The following OTUD7A variants were observed in gnomAD, a reference collection of about 807,000 sequenced individuals.
The protein encoded by OTUD7A is OTU domain-containing protein 7A.
OTUD7A carries 12 observed loss-of-function variants against 65.7 expected under a neutral mutation model. The observed-to-expected ratio is 0.18, with a 90% CI of 0.12 to 0.30. OTUD7A has a LOEUF of 0.30. OTUD7A is among the 10% of genes least tolerant of loss of function. The probability of loss-of-function intolerance (pLI) is 1.00; values close to 1 mark genes in which losing one functional copy is unlikely to be tolerated. For missense variants in OTUD7A, 1,148 were observed against 1,304.8 expected (o/e 0.88, Z 1.85); for synonymous variants, 641 against 586.3 (o/e 1.09, Z -1.35).
chr15:31,829,852 G>A (rs892532622), intron 1 of OTUD7A, among the ~76,000 whole-genome samples: 2 of 152,174 alleles, frequency 1.3e-5, no homozygotes, highest in African/African-American at 2.4e-5. Flanking sequence ...CTTAACCTAA[G>A]AGTTGGAAAC....
intron 1 of OTUD7A, among the ~76,000 whole-genome samples, chr15:31,681,426 C>T (rs72709326): frequency 0.016 from 2,447 of 152,084 alleles, 50 homozygotes; most frequent in Admixed American, 0.047. Flanking sequence ...GTCTGTCTCT[C>T]TATGCTAGAA....
chr15:31,536,232 T>C (rs528546778), intron 5 of OTUD7A, among the ~76,000 whole-genome samples: 14 of 152,218 alleles, frequency 9.2e-5, no homozygotes, highest in African/African-American at 2.7e-4. Flanking sequence ...AATGTGTCTA[T>C]GGAAAGGATA....
chr15:31,599,201 A>G (rs1890001132), intron 3 of OTUD7A, among the ~76,000 whole-genome samples: 1 of 152,216 alleles, frequency 6.6e-6, no homozygotes, highest in Non-Finnish European at 1.5e-5. Context: ...ACCCCTGTGT[A>G]TCCTGACTGG....
intron 3 of OTUD7A, among the ~76,000 whole-genome samples, chr15:31,576,643 C>T (rs915858156): frequency 6.6e-6 from 1 of 152,156 alleles, no homozygotes; most frequent in Non-Finnish European, 1.5e-5. Context: ...TCAGGATCTC[C>T]TGAGGGCTAT....
chr15:31,814,364 G>A (rs1318198934), intron 1 of OTUD7A, among the ~76,000 whole-genome samples: 1 of 152,204 alleles, frequency 6.6e-6, no homozygotes, highest in Admixed American at 6.5e-5. Flanking sequence ...CCAGCCGAGT[G>A]CCCTGAAGAA....
At chr15:31,753,422 C>A (rs1894693840) in intron 1 of OTUD7A, among the ~76,000 whole-genome samples, 1 of 151,480 alleles carries the variant, frequency 6.6e-6, no homozygotes, top group Non-Finnish European at 1.5e-5. Context: ...TACACTGTAC[C>A]CTATTTCTAG....
At chr15:31,536,463 TCAATC>T (rs1887806287) in intron 5 of OTUD7A, among the ~76,000 whole-genome samples, 1 of 152,230 alleles carries the variant, frequency 6.6e-6, no homozygotes, top group South Asian at 2.1e-4. Flanking sequence ...TTTGGGAACT[TCAATC>T]AAATGAGAAT....
At chr15:31,753,565 C>T (rs1230561690) in intron 1 of OTUD7A, among the ~76,000 whole-genome samples, 1 of 151,200 alleles carries the variant, frequency 6.6e-6, no homozygotes, top group Non-Finnish European at 1.5e-5. Flanking sequence ...GTTGTCCATT[C>T]CTGAGTTACT....
intron 1 of OTUD7A, among the ~76,000 whole-genome samples, chr15:31,813,702 T>G (rs975957023): frequency 2.6e-5 from 4 of 152,390 alleles, no homozygotes; most frequent in African/African-American, 9.6e-5. Flanking sequence ...GAACCTTTAT[T>G]TTGTAATGGA....
intron 3 of OTUD7A, among the ~76,000 whole-genome samples, chr15:31,605,204 G>T (rs1299595937): frequency 6.6e-6 from 1 of 151,898 alleles, no homozygotes. Flanking sequence ...AGGGGGAATG[G>T]GTGGTAAATA....
chr15:31,720,158 A>G (rs2625768), intron 1 of OTUD7A, among the ~76,000 whole-genome samples: 101,992 of 147,448 alleles, frequency 0.69, 35,768 homozygotes, highest in South Asian at 0.79. Flanking sequence ...AATCGTGGAA[A>G]AGTTTAAAAT....
At chr15:31,751,340 G>T (rs946443876) in intron 1 of OTUD7A, among the ~76,000 whole-genome samples, 3 of 152,110 alleles carry the variant, frequency 2.0e-5, no homozygotes, top group Non-Finnish European at 4.4e-5. Context: ...AATCATCAGA[G>T]AAATGCATGC....
chr15:31,612,935 A>G (rs1342371560), intron 3 of OTUD7A, among the ~76,000 whole-genome samples: 6 of 152,232 alleles, frequency 3.9e-5, no homozygotes, highest in Non-Finnish European at 8.8e-5. Flanking sequence ...TGGTACTGGT[A>G]CAAAAGTAGG....
intron 3 of OTUD7A, among the ~76,000 whole-genome samples, chr15:31,586,153 T>C (rs1450384820): frequency 6.6e-6 from 1 of 152,214 alleles, no homozygotes; most frequent in Non-Finnish European, 1.5e-5. Flanking sequence ...TTTATCTGGT[T>C]TCTTTCCTCC....
At chr15:31,645,938 G>A (rs1014139475) in intron 3 of OTUD7A, among the ~76,000 whole-genome samples, 1 of 152,306 alleles carries the variant, frequency 6.6e-6, no homozygotes, top group Admixed American at 6.5e-5. Flanking sequence ...GGCCCTCAAC[G>A]CCTGCTTGGA....
In OTUD7A at chr15:31,643,919, G is replaced by A. The variant is rs529414840; in HGVS notation, c.151+11177C>T. Among the ~76,000 whole-genome samples, 182 of 152,286 alleles carry A rather than the reference G, an allele frequency of 1.2e-3. 1 individual carries two copies. Among genetic ancestry groups the A allele is most frequent in the African/African-American group, 4.1e-3 (172 of 41,556 alleles). ...ATCACTCCTCTTCTAATAGAAAGCA[G>A]CCTGGAAGACCGGGCTGCAAACAGA... On this transcript the variant is annotated intron_variant, in intron 3 of 12. Coordinates refer to ENST00000307050, the MANE Select transcript of OTUD7A (RefSeq NM_001382637.1).
chr15:31,749,721 G>T (rs550763197), intron 1 of OTUD7A, among the ~76,000 whole-genome samples: 12 of 151,798 alleles, frequency 7.9e-5, no homozygotes, highest in Non-Finnish European at 1.3e-4. Flanking sequence ...TCAGGCAAGA[G>T]GAAGAAATAA....
intron 1 of OTUD7A, among the ~76,000 whole-genome samples, chr15:31,717,392 C>A (rs12906145): frequency 6.6e-6 from 1 of 152,118 alleles, no homozygotes; most frequent in African/African-American, 2.4e-5. Context: ...CCTCCCCTCG[C>A]CCCCCAGTTC....
chr15:31,761,241 G>GA (rs1189888872), intron 1 of OTUD7A, among the ~76,000 whole-genome samples: 3 of 151,974 alleles, frequency 2.0e-5, no homozygotes. Context: ...CAAGAATATG[G>GA]AAAGGCAACC....
Sources: gnomAD v4.1 joint callset for allele counts (sites outside exome capture counted in the v4.1 genomes callset) on GRCh38, gnomAD v4.1.1 for gene constraint, MANE v1.5 for transcripts, NCBI Gene and HGNC (gene_info 2026-07-23, HGNC 2026-07-21) for gene names.